The following ANGPT4 variants were observed in gnomAD, a reference collection of about 807,000 sequenced individuals.
The protein encoded by ANGPT4 is angiopoietin-4.
ANGPT4 carries 50 observed loss-of-function variants against 53.0 expected under a neutral mutation model. The ratio of observed to expected loss-of-function variants is 0.94; its 90% confidence interval spans 0.75 to 1.20. The LOEUF is 1.20. Among genes scored for constraint, ANGPT4 ranks in the 50% most tolerant of loss-of-function variants. ANGPT4 has a pLI of 0.00. For missense variants in ANGPT4, 648 were observed against 637.1 expected, an observed-to-expected ratio of 1.02 and a Z score of -0.18; for synonymous variants, 251 against 259.7, an observed-to-expected ratio of 0.97 and a Z score of 0.32.
chr20:897,981 G>C (rs916278115), intron 1 of ANGPT4, among the ~76,000 whole-genome samples: 1 of 152,032 alleles, frequency 6.6e-6, no homozygotes, highest in Non-Finnish European at 1.5e-5. Context: ...ATGATTTTTT[G>C]TCAAAAAATG....
In ANGPT4 at chr20:885,213, G is replaced by A. The variant is rs1236149767; in HGVS notation, c.700C>T (p.Leu234Phe). The change falls in exon 4 of 9, where the codon CTC becomes TTC. Residue 234 changes from leucine to phenylalanine, a missense_variant. By Grantham distance (22) the Leu-to-Phe change is conservative (BLOSUM62 0). Coordinates refer to ENST00000381922, the MANE Select transcript of ANGPT4 (RefSeq NM_015985.4). ...CGCAGGCCGCGCTCGATGTTGGTGA[G>A]GGCGGCGCTCTGGCGGCTCAGCGTG... ...LNTLSRQSAA[L>F]TNIERGLRGV... is the part of the protein sequence containing the mutation. 6.3e-7 allele frequency: 1 copy of A among 1,595,820 alleles called. No individual in the cohort carries two copies. Among genetic ancestry groups the A allele is most frequent in the Non-Finnish European group, 8.5e-7 (1 of 1,171,268 alleles).
intron 7 of ANGPT4, among the ~76,000 whole-genome samples, chr20:877,258 A>C (rs1456659137): frequency 3.3e-5 from 5 of 152,190 alleles, no homozygotes; most frequent in African/African-American, 7.2e-5. Flanking sequence ...GATTGCAACT[A>C]TGGAGGGAAT....
At chr20:895,224 C>T (rs140043199) in intron 1 of ANGPT4, among the ~76,000 whole-genome samples, 6 of 152,136 alleles carry the variant, frequency 3.9e-5, no homozygotes, top group Non-Finnish European at 7.3e-5. Context: ...TGCCGTGCAC[C>T]GACTCCAGGA....
rs1600070842 is a variant in ANGPT4, at chr20:916,267, C to G, written c.-53G>C. On this transcript the variant is annotated 5_prime_UTR_variant, in exon 1 of 9. Transcript: ENST00000381922. ...TCTGCTCAGAGCCCTAGGGGCTGTG[C>G]CTGGGATGTCCTGCTGCAGCCAACA... The G allele has an allele frequency of 6.5e-7, 1 of 1,546,644 alleles. No homozygotes were observed. Among genetic ancestry groups the G allele is most frequent in the Admixed American group, 1.8e-5 (1 of 56,834 alleles).
At chr20:905,444 A>C (rs900374411) in intron 1 of ANGPT4, among the ~76,000 whole-genome samples, 1 of 152,124 alleles carries the variant, frequency 6.6e-6, no homozygotes, top group East Asian at 1.9e-4. Flanking sequence ...AGCTAGAAGC[A>C]AGTTAGGAGC....
intron 3 of ANGPT4, among the ~76,000 whole-genome samples, chr20:887,589 C>T (rs1470029053): frequency 6.7e-6 from 1 of 150,222 alleles, no homozygotes; most frequent in African/African-American, 2.4e-5. Flanking sequence ...GAGGTGAAAT[C>T]AGCCTTAGCT....
intron 1 of ANGPT4, among the ~76,000 whole-genome samples, chr20:904,723 C>T (rs1202898109): frequency 1.3e-5 from 2 of 152,188 alleles, no homozygotes; most frequent in African/African-American, 4.8e-5. Context: ...AATTCCCAGG[C>T]TCAAGCGATC....
Position 881,173 on chromosome 20 carries a change from T to C in ANGPT4, c.949A>G (p.Lys317Glu). The C allele has an allele frequency of 6.3e-7, 1 of 1,581,388 alleles. No homozygotes were observed. The highest frequency in any genetic ancestry group is 1.3e-5 in the African/African-American group (1 of 74,120). ...CAGTTCCCAGGGAGCCCCCTAACCT[T>C]CCTGGGCTTCGTTGCATTGGACACC... ...IQVSNATKPR[K>E]VFCDLQSSGG... Residue 317 changes from lysine (K) to glutamate (E), a missense_variant and splice_region_variant, in exon 5 of 9, where the codon AAG (lysine) becomes GAG (glutamate). Transcript: ENST00000381922.
At chr20:879,992 G>T in intron 5 of ANGPT4, 144 bp from the exon 6 acceptor site, 1 of 491,324 alleles carries the variant, frequency 2.0e-6, no homozygotes. Flanking sequence ...AAAGATCCAG[G>T]CTTAAATTCC....
In ANGPT4 at chr20:912,165, G is replaced by A. The variant is rs77035084; in HGVS notation, c.309+3741C>T. On this transcript the variant is annotated intron_variant, in intron 1 of 8. Coordinates refer to ENST00000381922, the MANE Select transcript of ANGPT4 (RefSeq NM_015985.4). ...CATTCTGTGGGGCCATGAAGAGAAG[G>A]CAGAGTATGGCACTTCTTGGATGGG... is the stretch of plus-strand genomic sequence containing the variant. Among the ~76,000 whole-genome samples the A allele has an allele frequency of 1.8e-3, 281 of 152,282 alleles. 3 individuals carry two copies. In the East Asian group the frequency reaches 0.019, roughly 10 times the overall value.
At position 874,513 on chromosome 20, in the gene ANGPT4, C is replaced by T. The variant is rs577811426; in HGVS notation, c.1221-99G>A. On this transcript the variant is annotated intron_variant, in intron 7 of 8. Transcript: ENST00000381922. ...CCCAGTGGCTTTGTCCCAGGCTGGG[C>T]TTCCCCTCCAGGTGTTCTTGGAGGG... The T allele has an allele frequency of 1.4e-4, 215 of 1,514,386 alleles. 1 individual carries two copies. The highest frequency in any genetic ancestry group is 4.9e-4 in the Middle Eastern group (2 of 4,112). The allele number at this position is 1,514,386 out of a possible 1,614,324, so 93.8% of individuals were successfully genotyped here.
intron 3 of ANGPT4, among the ~76,000 whole-genome samples, chr20:886,105 A>G (rs979020282): frequency 1.3e-5 from 2 of 152,028 alleles, no homozygotes; most frequent in Non-Finnish European, 2.9e-5. Context: ...ATGATATTAT[A>G]ATAATCAAGA....
intron 1 of ANGPT4, among the ~76,000 whole-genome samples, chr20:903,864 G>A (rs915611310): frequency 3.9e-5 from 6 of 152,134 alleles, no homozygotes; most frequent in Non-Finnish European, 7.3e-5. Flanking sequence ...AGACATCTGG[G>A]GAGCAAAGAC....
chr20:891,532 C>T (rs6086364), intron 1 of ANGPT4, among the ~76,000 whole-genome samples: 12,461 of 152,258 alleles, frequency 0.082, 567 homozygotes, highest in African/African-American at 0.12. Context: ...CCTCTCCATT[C>T]GGCACACATG....
At chr20:883,649 G>C (rs534731410) in intron 4 of ANGPT4, among the ~76,000 whole-genome samples, 1 of 152,304 alleles carries the variant, frequency 6.6e-6, no homozygotes, top group East Asian at 1.9e-4. Flanking sequence ...CAGGGTGTTT[G>C]GGCAAAAGGT....
At chr20:901,253 C>T (rs749523458) in intron 1 of ANGPT4, among the ~76,000 whole-genome samples, 5 of 152,146 alleles carry the variant, frequency 3.3e-5, no homozygotes, top group African/African-American at 4.8e-5. Flanking sequence ...CAAGCCTGCA[C>T]GTGTACATCC....
intron 6 of ANGPT4, among the ~76,000 whole-genome samples, chr20:878,685 A>G (rs985480714): frequency 2.0e-5 from 3 of 152,216 alleles, no homozygotes. Flanking sequence ...CTAGCACTGA[A>G]TGGTGGTCAC....
At chr20:907,451 C>T (rs1254365101) in intron 1 of ANGPT4, among the ~76,000 whole-genome samples, 1 of 152,202 alleles carries the variant, frequency 6.6e-6, no homozygotes, top group African/African-American at 2.4e-5. Context: ...GTCTATATTT[C>T]AACCTTGATC....
Position 908,807 on chromosome 20 carries a change from A to T in ANGPT4, c.309+7099T>A, listed in dbSNP as rs1402107772. Among the ~76,000 whole-genome samples the T allele has an allele frequency of 6.6e-6, 1 of 152,108 alleles. No individual in the cohort carries two copies. The highest frequency in any genetic ancestry group is 1.5e-5 in the Non-Finnish European group (1 of 68,024). On this transcript the variant is annotated intron_variant, in intron 1 of 8. Transcript: ENST00000381922. The surrounding 1 kb of genome is among the most constrained non-coding windows in gnomAD (Gnocchi z 4.9). The stretch of plus-strand genomic sequence containing the variant: ...GGGGGGCAGGAGTCGGGGGTTGCAC[A>T]TCTACACATAGTCCCAGAATTGAAA...
Sources: allele counts gnomAD v4.1 joint callset (sites outside exome capture counted in the v4.1 genomes callset), GRCh38; gene constraint gnomAD v4.1.1; non-coding constraint Gnocchi (gnomAD v3.1); transcripts MANE v1.5; gene names NCBI Gene and HGNC (gene_info 2026-07-23, HGNC 2026-07-21).